MCPH1: variants seen among roughly 807,000 people sequenced by gnomAD.
The protein encoded by MCPH1 is microcephalin.
MCPH1 carries 104 observed loss-of-function variants against 84.5 expected under a neutral mutation model. The ratio of observed to expected loss-of-function variants is 1.23; its 90% CI spans 1.05 to 1.45. MCPH1 has a LOEUF of 1.45. Ranked by LOEUF, MCPH1 falls within the 40% of genes most tolerant of loss-of-function variation. The pLI, the probability that MCPH1 is intolerant of heterozygous loss-of-function variation, is 0.00. For synonymous variants in MCPH1, 514 were observed against 366.8 expected, an observed-to-expected ratio of 1.40 and a Z score of -4.58; for missense variants, 1,498 against 1,005.7, an observed-to-expected ratio of 1.49 and a Z score of -6.62.
chr8:6,547,050 G>A (rs147875386), intron 12 of MCPH1, among the ~76,000 whole-genome samples: 54 of 152,162 alleles, frequency 3.5e-4, no homozygotes, highest in African/African-American at 1.2e-3. Flanking sequence ...CACGTGTTCC[G>A]TGTGTACCGT....
chr8:6,642,361 T>C (rs572348400), intron 13 of MCPH1, among the ~76,000 whole-genome samples: 1 of 152,332 alleles, frequency 6.6e-6, no homozygotes, highest in South Asian at 2.1e-4. Flanking sequence ...TCACCTGTGC[T>C]GACCCTTCAG....
intron 12 of MCPH1, chr8:6,621,239 A>T: frequency 4.9e-6 from 3 of 606,646 alleles, no homozygotes; most frequent in South Asian, 4.1e-5. Flanking sequence ...GTTTCCTTGG[A>T]GTTTTACGCA....
Position 6,577,149 on chromosome 8 carries a change from C to T in MCPH1, c.2215-44305C>T, listed in dbSNP as rs117016712. 2.0e-4 allele frequency among the ~76,000 whole-genome samples: 31 copies of T among 152,306 alleles called. No homozygotes were observed. The East Asian group carries it at 2.1e-3, about 10-fold the overall frequency. ...GGTGCTGTGAACCTGCTCTCAGCCC[C>T]GGGCAAAGGGAATCTCGTTAATCCA... is the stretch of plus-strand genomic sequence containing the variant. On this transcript the variant is annotated intron_variant, in intron 12 of 13. Coordinates refer to ENST00000344683, the MANE Select transcript of MCPH1 (RefSeq NM_024596.5).
intron 12 of MCPH1, chr8:6,513,824 T>A (rs771887022): frequency 1.2e-6 from 2 of 1,607,470 alleles, no homozygotes; most frequent in Non-Finnish European, 1.7e-6. Flanking sequence ...GCCAATATTC[T>A]CCTGAAGGGT....
rs188620161 is a variant in MCPH1, at chr8:6,475,746, C to T, written c.1936-1848C>T. On this transcript the variant is annotated intron_variant, in intron 9 of 13. Transcript: ENST00000344683. ...GCCAGGGCATTGTCCAAGCAGGTTTCCTGCAGGGAGTTTTAGTTGGTGAGT... is the reference window on the plus strand; with the variant it reads ...GCCAGGGCATTGTCCAAGCAGGTTTTCTGCAGGGAGTTTTAGTTGGTGAGT... 1.8e-3 allele frequency among the ~76,000 whole-genome samples: 275 copies of T among 152,240 alleles called. 2 individuals are homozygous for T. The highest frequency in any genetic ancestry group is 0.016 in the Admixed American group (239 of 15,298).
chr8:6,476,903 G>T (rs1808536181), intron 9 of MCPH1, among the ~76,000 whole-genome samples: 1 of 152,050 alleles, frequency 6.6e-6, no homozygotes, highest in Admixed American at 6.5e-5. Context: ...TGAACATTTG[G>T]CTGAATATAC....
intron 12 of MCPH1, chr8:6,503,072 G>T (rs199802577): frequency 1.2e-5 from 20 of 1,613,392 alleles, no homozygotes; most frequent in Non-Finnish European, 1.4e-5. Context: ...AAAATAGTTC[G>T]AGACAGTTCC....
chr8:6,583,552 A>G (rs948721217), intron 12 of MCPH1, among the ~76,000 whole-genome samples: 3 of 152,188 alleles, frequency 2.0e-5, no homozygotes, highest in African/African-American at 7.2e-5. Flanking sequence ...GACAAAAGGA[A>G]GCGAGGGTGG....
chr8:6,614,512 T>C (rs1306498161), intron 12 of MCPH1, among the ~76,000 whole-genome samples: 1 of 152,244 alleles, frequency 6.6e-6, no homozygotes, highest in African/African-American at 2.4e-5. Context: ...GCAGGCCCTT[T>C]GTCCAGTGCC....
At chr8:6,478,445 G>C (rs966663594) in intron 10 of MCPH1, among the ~76,000 whole-genome samples, 1 of 152,104 alleles carries the variant, frequency 6.6e-6, no homozygotes, top group Non-Finnish European at 1.5e-5. Flanking sequence ...ATTTTTTAAA[G>C]TCTTTGTATT....
intron 12 of MCPH1, among the ~76,000 whole-genome samples, chr8:6,533,190 G>T (rs1819853738): frequency 6.6e-6 from 1 of 152,190 alleles, no homozygotes; most frequent in Non-Finnish European, 1.5e-5. Flanking sequence ...GCCATGGGCT[G>T]GTTCTTCTCT....
At chr8:6,567,641 C>A (rs1259350129) in intron 12 of MCPH1, among the ~76,000 whole-genome samples, 1 of 152,136 alleles carries the variant, frequency 6.6e-6, no homozygotes, top group African/African-American at 2.4e-5. Context: ...GACCAGGAAG[C>A]CTCGGGGAGC....
chr8:6,580,986 AAGT>A (rs1339171434), intron 12 of MCPH1, among the ~76,000 whole-genome samples: 1 of 152,250 alleles, frequency 6.6e-6, no homozygotes, highest in Non-Finnish European at 1.5e-5. Flanking sequence ...AACAATAAAA[AAGT>A]ACAAAAAATC....
chr8:6,519,769 G>C, intron 12 of MCPH1: 4 of 1,476,584 alleles, frequency 2.7e-6, no homozygotes, highest in Non-Finnish European at 3.7e-6. Flanking sequence ...GGCTGGGGAA[G>C]ATCTTTGGGG....
intron 12 of MCPH1, among the ~76,000 whole-genome samples, chr8:6,567,567 T>C (rs1158280374): frequency 6.6e-6 from 1 of 152,132 alleles, no homozygotes; most frequent in African/African-American, 2.4e-5. Flanking sequence ...GGGATGCAAG[T>C]GTGCATGGAT....
chr8:6,521,189 G>C lies in MCPH1; in HGVS notation c.2214+21260G>C. 1.9e-6 allele frequency: 3 copies of C among 1,612,154 alleles called. No individual in the cohort carries two copies. The South Asian group carries it at 3.3e-5, about 18-fold the overall frequency. ...ATATGTAAACTTACAGTTTGATGTGGACATCATAGTCAGTAAGTTATTAAC... is the reference window on the plus strand; with the variant it reads ...ATATGTAAACTTACAGTTTGATGTGCACATCATAGTCAGTAAGTTATTAAC... On this transcript the variant is annotated intron_variant, in intron 12 of 13. Transcript: ENST00000344683.
chr8:6,416,762 G>A (rs1033988118), intron 3 of MCPH1, among the ~76,000 whole-genome samples: 4 of 152,066 alleles, frequency 2.6e-5, no homozygotes, highest in Non-Finnish European at 4.4e-5. Context: ...GGGAGGCCGA[G>A]GGGGGTGGAT....
intron 13 of MCPH1, among the ~76,000 whole-genome samples, chr8:6,639,760 G>A (rs150301784): frequency 1.3e-5 from 2 of 151,950 alleles, no homozygotes; most frequent in African/African-American, 4.8e-5. Context: ...AGAATGACAT[G>A]CTTTTTCAGG....
chr8:6,559,635 G>T (rs1456500268), intron 12 of MCPH1, among the ~76,000 whole-genome samples: 3 of 152,312 alleles, frequency 2.0e-5, no homozygotes, highest in Non-Finnish European at 2.9e-5. Context: ...GCACTCATCA[G>T]TGTGAAATAG....
Sources: allele counts gnomAD v4.1 joint callset (sites outside exome capture counted in the v4.1 genomes callset), GRCh38; gene constraint gnomAD v4.1.1; transcripts MANE v1.5; gene names NCBI Gene and HGNC (gene_info 2026-07-23, HGNC 2026-07-21).